UNC5D: variants seen among roughly 807,000 people sequenced by gnomAD.
UNC5D encodes the protein netrin receptor UNC5D.
In UNC5D, 39 loss-of-function variants were observed where a neutral mutation model predicts 105.4. The ratio of observed to expected loss-of-function variants is 0.37; its 90% CI spans 0.29 to 0.48. The LOEUF (loss-of-function observed/expected upper bound fraction) is 0.48. Ranked by LOEUF, UNC5D falls within the 20% of genes least tolerant of loss-of-function variation. The pLI is 0.98. For missense variants in UNC5D, 991 were observed against 1,202.4 expected (o/e 0.82, Z 2.60); for synonymous variants, 452 against 450.4 (o/e 1.00, Z -0.04).
At chr8:35,299,324 C>A (rs1441671170) in intron 1 of UNC5D, among the ~76,000 whole-genome samples, 2 of 152,092 alleles carry the variant, frequency 1.3e-5, no homozygotes, top group African/African-American at 4.8e-5. Flanking sequence ...AAAAGCAGTG[C>A]CAGGAGAGAG....
chr8:35,442,914 A>T (rs1477196046), intron 1 of UNC5D, among the ~76,000 whole-genome samples: 9 of 150,460 alleles, frequency 6.0e-5, no homozygotes, highest in East Asian at 5.9e-4. Context: ...TCACACACAC[A>T]CACACACACA....
At chr8:35,767,108 GGACGATAA>G in intron 15 of UNC5D, 42 bp downstream of exon 15, 1 of 1,562,018 alleles carries the variant, frequency 6.4e-7, no homozygotes, top group Non-Finnish European at 8.7e-7. Flanking sequence ...CCTTTCTGAA[GGACGATAA>G]GAATAATAAA....
chr8:35,507,044 CTTTTCT>C (rs1304300168), intron 1 of UNC5D, among the ~76,000 whole-genome samples: 1 of 115,422 alleles, frequency 8.7e-6, no homozygotes, highest in Non-Finnish European at 1.8e-5. Flanking sequence ...TCCATCAGGG[CTTTTCT>C]TTTTTTTTTT....
intron 2 of UNC5D, among the ~76,000 whole-genome samples, chr8:35,561,125 G>A (rs754840742): frequency 3.5e-4 from 53 of 152,098 alleles, no homozygotes; most frequent in Non-Finnish European, 1.5e-4. Context: ...CAAACAACTT[G>A]CCTGTGAGTT....
Position 35,484,007 on chromosome 8 carries a change from A to G in UNC5D, c.104-65285A>G, listed in dbSNP as rs138601059. Among the ~76,000 whole-genome samples, 52 of 152,294 alleles carry G rather than the reference A, an allele frequency of 3.4e-4. No homozygotes were observed. The East Asian group carries it at 7.7e-3, about 23-fold the overall frequency. The stretch of plus-strand genomic sequence containing the variant: ...GAGGGGCTTCTGAACTGGCAGATCA[A>G]TTGGCTGCCTCTAGAGACCTACTTT... On this transcript the variant is annotated intron_variant, in intron 1 of 16. Coordinates refer to ENST00000404895, the MANE Select transcript of UNC5D (RefSeq NM_080872.4).
intron 11 of UNC5D, among the ~76,000 whole-genome samples, chr8:35,738,240 T>C (rs1829574710): frequency 1.3e-5 from 2 of 152,186 alleles, no homozygotes; most frequent in South Asian, 4.1e-4. Context: ...AGCAAATCAT[T>C]CTCTTTCTCT....
intron 1 of UNC5D, among the ~76,000 whole-genome samples, chr8:35,305,962 A>G (rs911584814): frequency 1.3e-5 from 2 of 150,194 alleles, no homozygotes; most frequent in South Asian, 2.1e-4. Flanking sequence ...TTACCAATAT[A>G]TAAATGATAC....
At chr8:35,354,511 T>C (rs1455995419) in intron 1 of UNC5D, among the ~76,000 whole-genome samples, 1 of 152,194 alleles carries the variant, frequency 6.6e-6, no homozygotes, top group East Asian at 1.9e-4. Flanking sequence ...TCATTATGCA[T>C]AATTTATTTT....
intron 1 of UNC5D, among the ~76,000 whole-genome samples, chr8:35,349,355 A>G (rs907200216): frequency 1.3e-5 from 2 of 152,042 alleles, no homozygotes; most frequent in African/African-American, 4.8e-5. Flanking sequence ...ATGATCAATT[A>G]GAAAATGTTG....
intron 1 of UNC5D, among the ~76,000 whole-genome samples, chr8:35,446,003 TTTC>T (rs1807762630): frequency 6.6e-6 from 1 of 152,040 alleles, no homozygotes; most frequent in Admixed American, 6.6e-5. Context: ...TTGACAATTT[TTTC>T]TTAAATTTTT....
At chr8:35,691,463 G>T (rs1826386090) in intron 7 of UNC5D, among the ~76,000 whole-genome samples, 1 of 152,134 alleles carries the variant, frequency 6.6e-6, no homozygotes, top group African/African-American at 2.4e-5. Flanking sequence ...CTCCATCCTG[G>T]CTGACAAAGG....
chr8:35,489,522 C>G (rs781188199), intron 1 of UNC5D, among the ~76,000 whole-genome samples: 1 of 152,120 alleles, frequency 6.6e-6, no homozygotes, highest in Non-Finnish European at 1.5e-5. Flanking sequence ...GACACAGAAA[C>G]ACTAGGGATG....
At chr8:35,446,262 G>T (rs575753471) in intron 1 of UNC5D, among the ~76,000 whole-genome samples, 7 of 151,834 alleles carry the variant, frequency 4.6e-5, no homozygotes, top group Non-Finnish European at 1.0e-4. Context: ...TTTGTATGTG[G>T]GATTTATTGG....
intron 4 of UNC5D, among the ~76,000 whole-genome samples, chr8:35,623,370 C>T (rs779387979): frequency 5.9e-5 from 9 of 152,186 alleles, no homozygotes; most frequent in Admixed American, 2.6e-4. Context: ...TGAACACCCG[C>T]GGCGTACATT....
intron 4 of UNC5D, among the ~76,000 whole-genome samples, chr8:35,596,129 A>T (rs1331328850): frequency 6.6e-6 from 1 of 152,176 alleles, no homozygotes; most frequent in African/African-American, 2.4e-5. Context: ...AGTGTTTGTT[A>T]TGTTTTCTGC....
At chr8:35,384,456 A>C (rs1585717956) in intron 1 of UNC5D, among the ~76,000 whole-genome samples, 1 of 152,108 alleles carries the variant, frequency 6.6e-6, no homozygotes, top group African/African-American at 2.4e-5. Flanking sequence ...TTAAATTGGA[A>C]GGGGTTTGTG....
At chr8:35,407,222 A>G (rs1804862442) in intron 1 of UNC5D, among the ~76,000 whole-genome samples, 1 of 152,120 alleles carries the variant, frequency 6.6e-6, no homozygotes, top group African/African-American at 2.4e-5. Flanking sequence ...AGACAACAAT[A>G]TCTAAGTTTG....
chr8:35,768,570 A>G (rs1349405385), intron 15 of UNC5D, among the ~76,000 whole-genome samples: 3 of 152,220 alleles, frequency 2.0e-5, no homozygotes, highest in Non-Finnish European at 4.4e-5. Context: ...TAACAGGCCA[A>G]TGAGTTCGGG....
At chr8:35,363,492 C>T (rs1801956247) in intron 1 of UNC5D, among the ~76,000 whole-genome samples, 1 of 152,072 alleles carries the variant, frequency 6.6e-6, no homozygotes, top group African/African-American at 2.4e-5. Context: ...ACAGCCAAAC[C>T]ATATTATAAG....
Sources: allele counts gnomAD v4.1 joint callset (sites outside exome capture counted in the v4.1 genomes callset), GRCh38; gene constraint gnomAD v4.1.1; transcripts MANE v1.5; gene names NCBI Gene and HGNC (gene_info 2026-07-23, HGNC 2026-07-21).